The following BICD1 variants were observed in gnomAD, a reference collection of about 807,000 sequenced individuals.
BICD1 encodes protein bicaudal D homolog 1.
Under a neutral mutation model 92.5 loss-of-function variants are expected in BICD1, and 35 were observed. The observed-to-expected ratio is 0.38, with a 90% CI of 0.29 to 0.50. The LOEUF is 0.50. Among genes scored for constraint, BICD1 ranks in the 20% least tolerant of loss-of-function variants. The pLI is 0.93. For synonymous variants in BICD1, 429 were observed against 465.1 expected (o/e 0.92, Z 1.00); for missense variants, 950 against 1,189.8 (o/e 0.80, Z 2.97).
intron 4 of BICD1, among the ~76,000 whole-genome samples, chr12:32,318,093 C>A (rs1419052843): frequency 1.3e-5 from 2 of 151,492 alleles, no homozygotes; most frequent in East Asian, 3.8e-4. Flanking sequence ...GTACCAGTAC[C>A]ATGCTGTTTT....
chr12:32,225,572 G>T (rs1945654240), intron 2 of BICD1, among the ~76,000 whole-genome samples: 1 of 142,538 alleles, frequency 7.0e-6, no homozygotes, highest in Non-Finnish European at 1.5e-5. Flanking sequence ...AAAAGTTCCT[G>T]TTGCCCCTAT....
At chr12:32,219,870 G>A (rs1761171034) in intron 2 of BICD1, among the ~76,000 whole-genome samples, 3 of 152,154 alleles carry the variant, frequency 2.0e-5, no homozygotes, top group Non-Finnish European at 2.9e-5. Context: ...AACCAAAACA[G>A]CATGGTACTG....
intron 1 of BICD1, among the ~76,000 whole-genome samples, chr12:32,135,793 ATC>A (rs1942718465): frequency 1.3e-5 from 2 of 151,856 alleles, no homozygotes; most frequent in Admixed American, 1.3e-4. Flanking sequence ...CATTTACATC[ATC>A]TGTCACTTAC....
chr12:32,131,291 G>A lies in BICD1; in HGVS notation c.213+23747G>A, dbSNP rs144157046. Among the ~76,000 whole-genome samples the A allele has an allele frequency of 2.4e-3, 362 of 152,092 alleles. 1 individual carries two copies. The highest frequency in any genetic ancestry group is 8.5e-3 in the African/African-American group (353 of 41,472). On this transcript the variant is annotated intron_variant, in intron 1 of 9. Coordinates refer to ENST00000652176, the MANE Select transcript of BICD1 (RefSeq NM_001714.4). ...TTTTTAAAAAAATTATTTTTCTGTT[G>A]CCGTATATTTCAGCTCTTCTCGGTC... is the stretch of plus-strand genomic sequence containing the variant.
chr12:32,274,647 A>C (rs1947230772), intron 2 of BICD1, among the ~76,000 whole-genome samples: 1 of 152,196 alleles, frequency 6.6e-6, no homozygotes. Flanking sequence ...TATTTTACAC[A>C]GAAAGGGAAA....
At chr12:32,367,939 T>G in intron 9 of BICD1, 194 bp downstream of exon 9, 2 of 555,238 alleles carry the variant, frequency 3.6e-6, no homozygotes, top group Non-Finnish European at 6.4e-6. Context: ...GAGCTGGGGT[T>G]TATTTTGCTG....
chr12:32,245,828 G>A (rs186162429), intron 2 of BICD1, among the ~76,000 whole-genome samples: 5 of 151,522 alleles, frequency 3.3e-5, no homozygotes, highest in Non-Finnish European at 7.4e-5. Context: ...TCAGGAGTTC[G>A]AGACCAGTCT....
chr12:32,140,030 T>C (rs1184705038), intron 1 of BICD1, among the ~76,000 whole-genome samples: 13 of 152,186 alleles, frequency 8.5e-5, no homozygotes, highest in Non-Finnish European at 1.9e-4. Context: ...GCCTTTGTAG[T>C]GGATTCCCTT....
intron 2 of BICD1, among the ~76,000 whole-genome samples, chr12:32,271,510 A>T (rs751167303): frequency 4.6e-5 from 7 of 152,174 alleles, no homozygotes; most frequent in Non-Finnish European, 4.4e-5. Flanking sequence ...GAGATAAAAG[A>T]TCCCTTGATT....
chr12:32,176,010 C>T (rs957535585), intron 1 of BICD1, among the ~76,000 whole-genome samples: 3 of 152,186 alleles, frequency 2.0e-5, no homozygotes, highest in Non-Finnish European at 4.4e-5. Context: ...TGACTGCTTT[C>T]GCTTAGCATA....
chr12:32,171,577 T>C (rs1592412236), intron 1 of BICD1, among the ~76,000 whole-genome samples: 1 of 152,196 alleles, frequency 6.6e-6, no homozygotes, highest in East Asian at 1.9e-4. Context: ...ACAGTCCTGC[T>C]ATGACTGAGA....
chr12:32,188,873 GC>G (rs1944490491), intron 1 of BICD1, among the ~76,000 whole-genome samples: 1 of 151,842 alleles, frequency 6.6e-6, no homozygotes, highest in Non-Finnish European at 1.5e-5. Context: ...GACTACAGGC[GC>G]CCACTACCAT....
chr12:32,248,713 C>G (rs1028797689), intron 2 of BICD1, among the ~76,000 whole-genome samples: 1 of 152,082 alleles, frequency 6.6e-6, no homozygotes, highest in African/African-American at 2.4e-5. Context: ...GGTTCAGGTT[C>G]TTGTCTCACA....
chr12:32,254,674 C>T (rs748941773), intron 2 of BICD1, among the ~76,000 whole-genome samples: 15 of 152,176 alleles, frequency 9.9e-5, no homozygotes, highest in Non-Finnish European at 1.5e-4. Context: ...TCATCTGCCC[C>T]TTGCTGAATC....
chr12:32,211,597 G>C (rs1395422064), intron 1 of BICD1, among the ~76,000 whole-genome samples: 2 of 151,830 alleles, frequency 1.3e-5, no homozygotes, highest in Non-Finnish European at 2.9e-5. Context: ...AAAAATACGA[G>C]AGCCACAGAA....
At chr12:32,107,805 TC>T in intron 1 of BICD1, 1 of 699,142 alleles carries the variant, frequency 1.4e-6, no homozygotes, top group Non-Finnish European at 2.6e-6. Flanking sequence ...GTAAGAGTCA[TC>T]AAGTCTCAGC....
Position 32,301,287 on chromosome 12 carries a change from T to C in BICD1, c.580-4410T>C, listed in dbSNP as rs573796548. ...TACCAGAGATAAAGTAAAAAATGCA[T>C]GTTTTTGCTTGAAGTAACAACCTAG... On this transcript the variant is annotated intron_variant, in intron 3 of 9. Coordinates refer to ENST00000652176, the MANE Select transcript of BICD1 (RefSeq NM_001714.4). Among the ~76,000 whole-genome samples the C allele has an allele frequency of 2.0e-5, 3 of 152,236 alleles. No homozygotes were observed. In the South Asian group the frequency reaches 6.2e-4, roughly 32 times the overall value.
chr12:32,177,189 C>G (rs756098245), intron 1 of BICD1, among the ~76,000 whole-genome samples: 2 of 151,518 alleles, frequency 1.3e-5, no homozygotes, highest in Non-Finnish European at 2.9e-5. Flanking sequence ...GTGGTGCGCA[C>G]CTGTAATCCG....
chr12:32,305,298 C>G (rs948086138), intron 3 of BICD1, among the ~76,000 whole-genome samples: 3 of 152,030 alleles, frequency 2.0e-5, no homozygotes, highest in African/African-American at 7.2e-5. Flanking sequence ...CAAATATTCT[C>G]ATAAGTTATT....
Sources: allele counts gnomAD v4.1 joint callset (sites outside exome capture counted in the v4.1 genomes callset), GRCh38; gene constraint gnomAD v4.1.1; transcripts MANE v1.5; gene names NCBI Gene and HGNC (gene_info 2026-07-23, HGNC 2026-07-21).